The following ADAM12 variants were observed in gnomAD, a reference collection of about 807,000 sequenced individuals.
ADAM12 encodes the protein ADAM metallopeptidase domain 12, also known as disintegrin and metalloproteinase domain-containing protein 12.
Under a neutral mutation model 106.4 loss-of-function variants are expected in ADAM12, and 70 were observed. The ratio of observed to expected loss-of-function variants is 0.66; its 90% CI spans 0.54 to 0.80. The LOEUF (loss-of-function observed/expected upper bound fraction) is 0.80, where lower values mean the gene tolerates loss of function less well. ADAM12 is among the 30% of genes least tolerant of loss of function. ADAM12 has a pLI of 0.00. For synonymous variants in ADAM12, 420 were observed against 433.5 expected (o/e 0.97, Z 0.39); for missense variants, 1,010 against 1,171.9 (o/e 0.86, Z 2.02).
Position 126,076,941 on chromosome 10 carries a change from T to A in ADAM12, c.1146-5287A>T, listed in dbSNP as rs991016690. Reference sequence around the variant, plus strand: ...AAAGCCAAAATAAAAGGCATCCAAATAGGAAAAGAAGAAGTCAAACTTTCT... The same window carrying A: ...AAAGCCAAAATAAAAGGCATCCAAAAAGGAAAAGAAGAAGTCAAACTTTCT... On this transcript the variant is annotated intron_variant, in intron 11 of 22. Transcript: ENST00000448723. 1.1e-4 allele frequency among the ~76,000 whole-genome samples: 17 copies of A among 152,266 alleles called. No homozygotes were observed. The East Asian group carries it at 3.3e-3, about 29-fold the overall frequency.
chr10:126,305,624 T>C (rs1960811437), intron 2 of ADAM12, among the ~76,000 whole-genome samples: 1 of 152,120 alleles, frequency 6.6e-6, no homozygotes, highest in Non-Finnish European at 1.5e-5. Flanking sequence ...GTGTATTTTA[T>C]CTTTTTATTG....
rs1375742919 is a variant in ADAM12, at chr10:126,043,832, T to G, written c.1996-684A>C. Among the ~76,000 whole-genome samples the G allele has an allele frequency of 1.3e-5, 2 of 152,192 alleles. No individual in the cohort carries two copies. The highest frequency in any genetic ancestry group is 4.8e-5 in the African/African-American group (2 of 41,462). On this transcript the variant is annotated intron_variant, in intron 17 of 22. Transcript: ENST00000448723. This position sits in a 1 kb window ranked among gnomAD's most constrained non-coding sequence, Gnocchi z 4.1. Reference sequence around the variant, plus strand: ...TCCCAGTCACGCACCAGGGTGCGAATCCAACAGTGGATTCTTTTCATTGTG... The same window carrying G: ...TCCCAGTCACGCACCAGGGTGCGAAGCCAACAGTGGATTCTTTTCATTGTG...
intron 3 of ADAM12, among the ~76,000 whole-genome samples, chr10:126,249,363 G>A (rs1282733602): frequency 6.6e-6 from 1 of 152,178 alleles, no homozygotes; most frequent in Non-Finnish European, 1.5e-5. Flanking sequence ...TTATGTCTGT[G>A]AGGGGAAGCA....
intron 2 of ADAM12, among the ~76,000 whole-genome samples, chr10:126,317,803 T>C (rs780862695): frequency 1.5e-4 from 23 of 152,132 alleles, no homozygotes; most frequent in Non-Finnish European, 3.4e-4. Context: ...CTGTCACCCA[T>C]ACTGGAGTGC....
chr10:126,061,000 A>G (rs566559517), intron 14 of ADAM12, among the ~76,000 whole-genome samples: 1 of 152,186 alleles, frequency 6.6e-6, no homozygotes, highest in African/African-American at 2.4e-5. Flanking sequence ...GGTTGGCCCC[A>G]CTGTCCCTTT....
At position 126,162,576 on chromosome 10, in the gene ADAM12, A is replaced by G. The variant is rs537604787; in HGVS notation, c.261-7271T>C. ...AGGGACCTGAGCAGACACAAGCTTC[A>G]GAGCCACAGGTGGTTCTGACAGCCA... is the stretch of plus-strand genomic sequence containing the variant. On this transcript the variant is annotated intron_variant, in intron 3 of 22. Coordinates refer to ENST00000448723, the MANE Select transcript of ADAM12 (RefSeq NM_001288973.2). 7.2e-5 allele frequency among the ~76,000 whole-genome samples: 11 copies of G among 152,270 alleles called. No individual in the cohort carries two copies. The South Asian group carries it at 2.3e-3, about 32-fold the overall frequency.
At position 126,278,914 on chromosome 10, in the gene ADAM12, C is replaced by T; in HGVS notation, c.260+1G>A. ...CATGCAATAAACAAGAATTAACTTACTCATTTCTTTCCAGATTTATGATCA... is the reference window on the plus strand; with the variant it reads ...CATGCAATAAACAAGAATTAACTTATTCATTTCTTTCCAGATTTATGATCA... On this transcript the variant is annotated splice_donor_variant, in intron 3 of 22. Transcript: ENST00000448723. LOFTEE classifies it high-confidence loss of function. The T allele has an allele frequency of 2.5e-6, 4 of 1,602,422 alleles. No individual in the cohort carries two copies. Among genetic ancestry groups the T allele is most frequent in the Non-Finnish European group, 3.4e-6 (4 of 1,170,496 alleles).
At chr10:126,208,504 G>A (rs1268703231) in intron 3 of ADAM12, among the ~76,000 whole-genome samples, 1 of 152,114 alleles carries the variant, frequency 6.6e-6, no homozygotes, top group African/African-American at 2.4e-5. Context: ...AATGTGGGAG[G>A]CACAGGATAA....
At chr10:126,349,811 C>T (rs1232931106) in intron 1 of ADAM12, among the ~76,000 whole-genome samples, 1 of 152,188 alleles carries the variant, frequency 6.6e-6, no homozygotes, top group African/African-American at 2.4e-5. Context: ...AATGCAAATA[C>T]TATTACATTT....
chr10:126,327,742 A>G, intron 2 of ADAM12, among the ~76,000 whole-genome samples: 1 of 152,226 alleles, frequency 6.6e-6, no homozygotes, highest in East Asian at 1.9e-4. Context: ...GTCACAAAAA[A>G]TTAATGTTAT....
At chr10:126,193,648 G>A (rs1020196023) in intron 3 of ADAM12, among the ~76,000 whole-genome samples, 4 of 152,172 alleles carry the variant, frequency 2.6e-5, no homozygotes, top group African/African-American at 9.7e-5. Flanking sequence ...TGTAATCCCA[G>A]AACTTTGGGA....
intron 1 of ADAM12, among the ~76,000 whole-genome samples, chr10:126,345,021 C>G (rs1190222354): frequency 1.3e-5 from 2 of 152,172 alleles, no homozygotes; most frequent in Non-Finnish European, 1.5e-5. Context: ...TTATTTCTTT[C>G]TCCTGCCTGA....
intron 2 of ADAM12, among the ~76,000 whole-genome samples, chr10:126,319,060 A>G (rs757102898): frequency 1.3e-5 from 2 of 152,214 alleles, no homozygotes; most frequent in African/African-American, 2.4e-5. Context: ...TGTGGGAATT[A>G]CAATTCAAAA....
rs376636632 is a variant in ADAM12, at chr10:126,153,735, A to G, written c.339+1492T>C. On this transcript the variant is annotated intron_variant, in intron 4 of 22. Coordinates refer to ENST00000448723, the MANE Select transcript of ADAM12 (RefSeq NM_001288973.2). ...ACTTTTTCTTCCATGAGGGCATCTC[A>G]TGTTATCTGGGTTATAGAAATATTC... 2.7e-4 allele frequency among the ~76,000 whole-genome samples: 41 copies of G among 152,176 alleles called. No homozygotes were observed. In the South Asian group the frequency reaches 8.3e-3, roughly 31 times the overall value.
At chr10:126,364,743 TA>T (rs931642726) in intron 1 of ADAM12, among the ~76,000 whole-genome samples, 1 of 151,988 alleles carries the variant, frequency 6.6e-6, no homozygotes, top group African/African-American at 2.4e-5. Flanking sequence ...ACTAACAATT[TA>T]AAAAAATCAA....
In ADAM12 at chr10:126,049,794, A is replaced by C; in HGVS notation, c.1610-125T>G. On this transcript the variant is annotated intron_variant, in intron 14 of 22. Transcript: ENST00000448723. This position sits in a 1 kb window ranked among gnomAD's most constrained non-coding sequence, Gnocchi z 4.4. ...GCAATCACACCCAGTGTCTGTCCCG[A>C]CTCATGGTGGGAGCTGGCCAGGGGA... 1 of 847,852 alleles carries C rather than the reference A, an allele frequency of 1.2e-6. No individual in the cohort carries two copies. Among genetic ancestry groups the C allele is most frequent in the Non-Finnish European group, 1.8e-6 (1 of 552,504 alleles). 52.5% of individuals were successfully genotyped at this position (847,852 alleles called of 1,614,324 possible).
intron 1 of ADAM12, among the ~76,000 whole-genome samples, chr10:126,358,696 T>C (rs371417906): frequency 6.6e-6 from 1 of 152,258 alleles, no homozygotes; most frequent in African/African-American, 2.4e-5. Flanking sequence ...AAGGAAGAAG[T>C]AAAATTGTTG....
chr10:126,132,550 C>G (rs1956327311), intron 5 of ADAM12, among the ~76,000 whole-genome samples: 1 of 145,830 alleles, frequency 6.9e-6, no homozygotes, highest in African/African-American at 2.5e-5. Context: ...CTAGTCCAGT[C>G]CCAGAATCAA....
rs1220472208 is a variant in ADAM12, at chr10:126,043,468, ACTGT to A, written c.1996-324_1996-321del. 2.0e-5 allele frequency among the ~76,000 whole-genome samples: 3 copies of A among 151,996 alleles called. No individual in the cohort carries two copies. Among genetic ancestry groups the A allele is most frequent in the Admixed American group, 6.6e-5 (1 of 15,264 alleles). On this transcript the variant is annotated intron_variant, in intron 17 of 22. Transcript: ENST00000448723. This position sits in a 1 kb window ranked among gnomAD's most constrained non-coding sequence, Gnocchi z 4.1. Reference sequence around the variant, plus strand: ...CCATCTTCCTTTTTCAATCTGGAAAACTGTCTGACCATGAGGAGAAGCCCCCTCA... The same window carrying A: ...CCATCTTCCTTTTTCAATCTGGAAAACTGACCATGAGGAGAAGCCCCCTCA...
Sources: allele counts gnomAD v4.1 joint callset (sites outside exome capture counted in the v4.1 genomes callset), GRCh38; gene constraint gnomAD v4.1.1; non-coding constraint Gnocchi (gnomAD v3.1); transcripts MANE v1.5; gene names NCBI Gene and HGNC (gene_info 2026-07-23, HGNC 2026-07-21).